The following THSD7B variants were observed in gnomAD, a reference collection of about 807,000 sequenced individuals.
THSD7B encodes the protein thrombospondin type 1 domain containing 7B, also known as thrombospondin type-1 domain-containing protein 7B.
Under a neutral mutation model 213.6 loss-of-function variants are expected in THSD7B, and 138 were observed. The ratio of observed to expected loss-of-function variants is 0.65; its 90% CI spans 0.56 to 0.74. THSD7B has a LOEUF of 0.74. Among genes scored for constraint, THSD7B ranks in the 30% least tolerant of loss-of-function variants. The pLI, the probability that THSD7B is intolerant of heterozygous loss-of-function variation, is 0.00. For synonymous variants in THSD7B, 742 were observed against 687.0 expected, an observed-to-expected ratio of 1.08 and a Z score of -1.25; for missense variants, 1,931 against 1,991.5, an observed-to-expected ratio of 0.97 and a Z score of 0.58.
intron 4 of THSD7B, among the ~76,000 whole-genome samples, chr2:137,098,192 G>C (rs1277798922): frequency 6.6e-6 from 1 of 152,196 alleles, no homozygotes. Context: ...TCTCCAAGAA[G>C]TAAATGCATG....
chr2:137,028,275 C>T (rs1454883389), intron 2 of THSD7B, among the ~76,000 whole-genome samples: 1 of 152,176 alleles, frequency 6.6e-6, no homozygotes, highest in Admixed American at 6.6e-5. Flanking sequence ...ATTGGTTAGA[C>T]AGTCATGCTG....
At chr2:137,573,863 G>A (rs566862573) in intron 17 of THSD7B, among the ~76,000 whole-genome samples, 6 of 151,850 alleles carry the variant, frequency 4.0e-5, no homozygotes, top group Admixed American at 6.6e-5. Context: ...TTATATTCTC[G>A]GCCCAGTTAT....
At chr2:137,380,898 G>A (rs1685759160) in intron 12 of THSD7B, among the ~76,000 whole-genome samples, 1 of 152,222 alleles carries the variant, frequency 6.6e-6, no homozygotes, top group Non-Finnish European at 1.5e-5. Flanking sequence ...TCTGTAAAAG[G>A]TATAATTACC....
At chr2:136,996,260 A>C (rs1685885846) in intron 2 of THSD7B, among the ~76,000 whole-genome samples, 2 of 152,150 alleles carry the variant, frequency 1.3e-5, no homozygotes, top group African/African-American at 4.8e-5. Flanking sequence ...ATGGAAACCT[A>C]TTTTAATTTA....
At chr2:136,892,781 C>T (rs760336962) in intron 2 of THSD7B, among the ~76,000 whole-genome samples, 5 of 152,078 alleles carry the variant, frequency 3.3e-5, no homozygotes, top group Admixed American at 3.3e-4. Flanking sequence ...CTTGCCCCTT[C>T]TTAGAGTGTC....
intron 1 of THSD7B, among the ~76,000 whole-genome samples, chr2:136,806,624 G>A (rs1309710461): frequency 6.6e-6 from 1 of 152,158 alleles, no homozygotes; most frequent in African/African-American, 2.4e-5. Context: ...CATATACCCA[G>A]TGCCCGGTTT....
intron 12 of THSD7B, among the ~76,000 whole-genome samples, chr2:137,359,649 A>G (rs770453888): frequency 1.3e-5 from 2 of 152,186 alleles, no homozygotes; most frequent in African/African-American, 2.4e-5. Flanking sequence ...ACAGAATGAT[A>G]GGCTACTGTA....
At chr2:137,237,786 T>C (rs1007155927) in intron 9 of THSD7B, among the ~76,000 whole-genome samples, 8 of 152,106 alleles carry the variant, frequency 5.3e-5, no homozygotes, top group African/African-American at 1.9e-4. Flanking sequence ...GGATAGACAA[T>C]GTGTAGATAA....
At chr2:137,155,210 C>A (rs1679890177) in intron 5 of THSD7B, among the ~76,000 whole-genome samples, 1 of 152,150 alleles carries the variant, frequency 6.6e-6, no homozygotes, top group Admixed American at 6.6e-5. Flanking sequence ...CATGAAGAGT[C>A]TCTGTGGGGA....
chr2:137,078,604 A>G (rs1687680435), intron 3 of THSD7B, among the ~76,000 whole-genome samples: 1 of 151,900 alleles, frequency 6.6e-6, no homozygotes, highest in Non-Finnish European at 1.5e-5. Context: ...TTACCTCATT[A>G]ATTTCTGCAT....
At chr2:137,493,122 C>CAA (rs376770053) in intron 15 of THSD7B, among the ~76,000 whole-genome samples, 4,954 of 44,070 alleles carry the variant, frequency 0.11, 1,287 homozygotes, top group East Asian at 0.16. Flanking sequence ...CTCTCTCTCT[C>CAA]AAAAAAAAAA....
At chr2:137,083,614 TTAAAAG>T (rs1338602747) in intron 3 of THSD7B, among the ~76,000 whole-genome samples, 1 of 152,166 alleles carries the variant, frequency 6.6e-6, no homozygotes, top group Non-Finnish European at 1.5e-5. Flanking sequence ...GTCAAAATCA[TTAAAAG>T]TAATAGCATA....
At chr2:136,813,448 C>CTCTTG (rs1558813583) in intron 1 of THSD7B, among the ~76,000 whole-genome samples, 1 of 151,914 alleles carries the variant, frequency 6.6e-6, no homozygotes, top group African/African-American at 2.4e-5. Flanking sequence ...GCCTGCTCTT[C>CTCTTG]GAGATGACTT....
intron 15 of THSD7B, 132 bp from the exon 16 acceptor site, chr2:137,563,089 G>A: frequency 1.1e-6 from 1 of 943,342 alleles, no homozygotes; most frequent in Non-Finnish European, 1.5e-6. Context: ...GCTTTTTTGG[G>A]AAAGTAATTT....
chr2:137,540,818 G>T (rs1411479721), intron 15 of THSD7B, among the ~76,000 whole-genome samples: 1 of 151,718 alleles, frequency 6.6e-6, no homozygotes, highest in East Asian at 1.9e-4. Flanking sequence ...AAAAGGAAAA[G>T]CTAGAGAATG....
intron 15 of THSD7B, among the ~76,000 whole-genome samples, chr2:137,535,284 G>A (rs542597648): frequency 6.6e-6 from 1 of 151,546 alleles, no homozygotes; most frequent in South Asian, 2.1e-4. Flanking sequence ...GGAGGTATAT[G>A]CTGGAACACA....
chr2:137,037,975 G>C (rs1686808863), intron 2 of THSD7B, among the ~76,000 whole-genome samples: 1 of 60,916 alleles, frequency 1.6e-5, no homozygotes. Context: ...GTAATGTTTA[G>C]CAAAAATAAA....
intron 12 of THSD7B, among the ~76,000 whole-genome samples, chr2:137,363,433 A>T (rs1001327259): frequency 6.6e-6 from 1 of 152,210 alleles, no homozygotes; most frequent in Non-Finnish European, 1.5e-5. Flanking sequence ...CTTCAAAAAA[A>T]TCAATGAATC....
intron 1 of THSD7B, among the ~76,000 whole-genome samples, chr2:136,771,573 G>T (rs1216626920): frequency 6.6e-6 from 1 of 152,008 alleles, no homozygotes; most frequent in Non-Finnish European, 1.5e-5. Context: ...CTACTCCTGT[G>T]GTCCCAGTTA....
Sources: gnomAD v4.1 joint callset for allele counts (sites outside exome capture counted in the v4.1 genomes callset) on GRCh38, gnomAD v4.1.1 for gene constraint, MANE v1.5 for transcripts, NCBI Gene and HGNC (gene_info 2026-07-23, HGNC 2026-07-21) for gene names.